Variants in KCTD3 observed in about 807,000 individuals in gnomAD.
KCTD3 encodes BTB/POZ domain-containing protein KCTD3.
In KCTD3, 41 loss-of-function variants were observed where a neutral mutation model predicts 85.8. The ratio of observed to expected loss-of-function variants is 0.48; its 90% CI spans 0.37 to 0.62. The LOEUF (loss-of-function observed/expected upper bound fraction) is 0.62. Ranked by LOEUF, KCTD3 falls within the 20% of genes least tolerant of loss-of-function variation. The pLI is 0.00. For synonymous variants in KCTD3, 338 were observed against 345.4 expected (o/e 0.98, Z 0.24); for missense variants, 724 against 989.9 (o/e 0.73, Z 3.60).
chr1:215,596,101 T>G (rs1660406771), intron 10 of KCTD3, among the ~76,000 whole-genome samples: 1 of 152,158 alleles, frequency 6.6e-6, no homozygotes, highest in Non-Finnish European at 1.5e-5. Context: ...GAAGAATATT[T>G]CATAGACCTT....
At chr1:215,579,423 T>C (rs1018895175) in intron 7 of KCTD3, among the ~76,000 whole-genome samples, 3 of 152,180 alleles carry the variant, frequency 2.0e-5, no homozygotes, top group African/African-American at 7.2e-5. Flanking sequence ...TCAGACCTAC[T>C]CAACTTTGCC....
At chr1:215,600,430 C>T (rs1654788438) in intron 10 of KCTD3, among the ~76,000 whole-genome samples, 1 of 152,168 alleles carries the variant, frequency 6.6e-6, no homozygotes, top group Middle Eastern at 3.2e-3. Context: ...GCTTCACTTC[C>T]TCTGTGAACC....
Position 215,620,125 on chromosome 1 carries a change from A to G in KCTD3, c.1955A>G (p.Glu652Gly). The G allele has an allele frequency of 6.2e-7, 1 of 1,613,618 alleles. No homozygotes were observed. The highest frequency in any genetic ancestry group is 1.1e-5 in the South Asian group (1 of 91,022). ...TACGGTTCCATGAGGCCTTACAGAG[A>G]AAGTCCTTTATTAGCAAGGGCAAGA... is the stretch of plus-strand genomic sequence containing the variant. Reference protein sequence around the residue: ...ATYGSMRPYRESPLLARARRT... With the variant: ...ATYGSMRPYRGSPLLARARRT... The change falls in exon 18 of 18, where the codon GAA becomes GGA. Residue 652 changes from glutamate to glycine, a missense_variant. This residue lies in a region of KCTD3 where 222 missense variants were observed against 217.7 expected (regional missense o/e 1.02). Coordinates refer to ENST00000259154, the MANE Select transcript of KCTD3 (RefSeq NM_016121.5).
intron 1 of KCTD3, among the ~76,000 whole-genome samples, chr1:215,570,979 A>T (rs1659335125): frequency 6.6e-6 from 1 of 152,182 alleles, no homozygotes; most frequent in African/African-American, 2.4e-5. Flanking sequence ...TTAAAAAAAA[A>T]TTGGTGGGGA....
At chr1:215,586,783 C>A in intron 9 of KCTD3, 98 bp downstream of exon 9, 1 of 917,822 alleles carries the variant, frequency 1.1e-6, no homozygotes, top group Non-Finnish European at 1.7e-6. Flanking sequence ...CCTGGACTGT[C>A]AGTTAGCTAG....
At chr1:215,578,154 A>G in intron 6 of KCTD3, 73 bp downstream of exon 6, 1 of 1,190,980 alleles carries the variant, frequency 8.4e-7, no homozygotes, top group Non-Finnish European at 1.2e-6. Flanking sequence ...TGAATAGGAA[A>G]AACTGCTCCT....
chr1:215,618,132 C>T (rs969856861), intron 15 of KCTD3: 8 of 467,640 alleles, frequency 1.7e-5, no homozygotes, highest in African/African-American at 8.0e-5. Context: ...CAAGAGCCCA[C>T]ATAACTAAAA....
At chr1:215,611,419 G>A (rs770100579) in intron 14 of KCTD3, among the ~76,000 whole-genome samples, 3 of 151,886 alleles carry the variant, frequency 2.0e-5, no homozygotes, top group Non-Finnish European at 2.9e-5. Flanking sequence ...AAGATTTTGT[G>A]TGTTGTCTTC....
intron 15 of KCTD3, among the ~76,000 whole-genome samples, chr1:215,615,386 C>T (rs531758115): frequency 2.6e-4 from 39 of 151,874 alleles, no homozygotes; most frequent in Non-Finnish European, 5.2e-4. Context: ...TTTGGGAGGC[C>T]GAGGCGGGCA....
At chr1:215,586,706 G>A (rs766187565) in intron 9 of KCTD3, 21 bp downstream of exon 9, 12 of 1,581,648 alleles carry the variant, frequency 7.6e-6, no homozygotes, top group South Asian at 1.1e-5. Context: ...TCTTGTTTAT[G>A]TTGCAATTTG....
intron 10 of KCTD3, among the ~76,000 whole-genome samples, chr1:215,600,601 C>T (rs1010402015): frequency 9.8e-5 from 15 of 152,336 alleles, no homozygotes; most frequent in Admixed American, 3.3e-4. Flanking sequence ...GGGGATACCT[C>T]ACATCCCTTA....
At chr1:215,613,955 G>A (rs566795980) in intron 15 of KCTD3, among the ~76,000 whole-genome samples, 120 of 141,760 alleles carry the variant, frequency 8.5e-4, no homozygotes, top group Non-Finnish European at 1.6e-3. Context: ...TTGTTCATTT[G>A]CTTAGGATTG....
At chr1:215,609,140 C>T (rs900776965) in intron 14 of KCTD3, among the ~76,000 whole-genome samples, 4 of 152,016 alleles carry the variant, frequency 2.6e-5, no homozygotes, top group East Asian at 1.9e-4. Flanking sequence ...TATATGCTCT[C>T]GTTTAATCTT....
chr1:215,603,683 C>G (rs1466093991), intron 12 of KCTD3, among the ~76,000 whole-genome samples: 1 of 152,128 alleles, frequency 6.6e-6, no homozygotes, highest in African/African-American at 2.4e-5. Flanking sequence ...TTTTGGAATA[C>G]TATGCTGTTT....
At chr1:215,596,925 A>G (rs562934541) in intron 10 of KCTD3, among the ~76,000 whole-genome samples, 3 of 152,304 alleles carry the variant, frequency 2.0e-5, no homozygotes, top group Admixed American at 6.5e-5. Context: ...ACAGCTAGAA[A>G]GGTTTGACCC....
intron 7 of KCTD3, among the ~76,000 whole-genome samples, chr1:215,579,682 T>G (rs1449628539): frequency 6.6e-6 from 1 of 151,984 alleles, no homozygotes; most frequent in Non-Finnish European, 1.5e-5. Flanking sequence ...GTATTTTTAA[T>G]AGAGATGAGG....
At chr1:215,596,899 A>G (rs886184897) in intron 10 of KCTD3, among the ~76,000 whole-genome samples, 4 of 152,214 alleles carry the variant, frequency 2.6e-5, no homozygotes, top group African/African-American at 7.2e-5. Context: ...TCAAGAGTGT[A>G]TATGGGATCT....
intron 10 of KCTD3, among the ~76,000 whole-genome samples, chr1:215,599,488 T>C (rs570662844): frequency 4.5e-4 from 68 of 152,302 alleles, no homozygotes; most frequent in Non-Finnish European, 2.9e-4. Context: ...ATGTAGAAAT[T>C]AGTGGTAATC....
At chr1:215,579,176 T>A (rs764594531) in intron 7 of KCTD3, 39 bp downstream of exon 7, 1 of 1,570,212 alleles carries the variant, frequency 6.4e-7, no homozygotes, top group East Asian at 2.3e-5. Flanking sequence ...GAAAAATACG[T>A]ATGTTTTTAG....
Sources: gnomAD v4.1 joint callset for allele counts (sites outside exome capture counted in the v4.1 genomes callset) on GRCh38, gnomAD v4.1.1 for gene constraint, gnomAD v4.1.1 regional missense constraint, MANE v1.5 for transcripts, NCBI Gene and HGNC (gene_info 2026-07-23, HGNC 2026-07-21) for gene names.